Variants in MYO1D observed in about 807,000 individuals in gnomAD.
The protein encoded by MYO1D is unconventional myosin-Id.
MYO1D carries 83 observed loss-of-function variants against 122.0 expected under a neutral mutation model. That is an observed-to-expected ratio of 0.68 (90% CI 0.57 to 0.82). The LOEUF (loss-of-function observed/expected upper bound fraction) is 0.82. Among genes scored for constraint, MYO1D ranks in the 40% least tolerant of loss-of-function variants. MYO1D has a pLI of 0.00. For missense variants in MYO1D, 1,157 were observed against 1,269.5 expected (o/e 0.91, Z 1.35); for synonymous variants, 464 against 446.9 (o/e 1.04, Z -0.48).
At chr17:32,841,959 A>G (rs2090887002) in intron 1 of MYO1D, among the ~76,000 whole-genome samples, 1 of 152,170 alleles carries the variant, frequency 6.6e-6, no homozygotes, top group Non-Finnish European at 1.5e-5. Flanking sequence ...AATAAGAGAG[A>G]GAGAGAGCAG....
Position 32,876,936 on chromosome 17 carries a change from A to T in MYO1D, c.-64T>A. The T allele has an allele frequency of 3.7e-6, 4 of 1,094,276 alleles. No individual in the cohort carries two copies. Among genetic ancestry groups the T allele is most frequent in the Non-Finnish European group, 4.9e-6 (4 of 817,426 alleles). 67.8% of individuals were successfully genotyped at this position (1,094,276 alleles called of 1,614,324 possible). A position where few individuals can be genotyped will look rare whatever the true frequency, so the allele number is the denominator to read the frequency against. On this transcript the variant is annotated 5_prime_UTR_variant, in exon 1 of 22. Coordinates refer to ENST00000318217, the MANE Select transcript of MYO1D (RefSeq NM_015194.3). The stretch of plus-strand genomic sequence containing the variant: ...TCCGGGGCCGCTCCGTGGGCCCGCG[A>T]TGAGCTCGGGAGGGGCCGGGGCGAG...
intron 1 of MYO1D, among the ~76,000 whole-genome samples, chr17:32,869,120 G>A (rs1057271933): frequency 1.3e-5 from 2 of 151,902 alleles, no homozygotes; most frequent in Admixed American, 6.5e-5. Context: ...TAGGGAGGCT[G>A]AGGCATGAGA....
intron 15 of MYO1D, among the ~76,000 whole-genome samples, chr17:32,717,543 G>A (rs2089463515): frequency 6.6e-6 from 1 of 152,118 alleles, no homozygotes; most frequent in Non-Finnish European, 1.5e-5. Context: ...ATTTTTCAGA[G>A]GGTCTATGAG....
chr17:32,648,575 A>G (rs1157890081), intron 19 of MYO1D, among the ~76,000 whole-genome samples: 2 of 152,184 alleles, frequency 1.3e-5, no homozygotes, highest in African/African-American at 4.8e-5. Context: ...CCCACCCCTT[A>G]ACCTTCACGG....
At chr17:32,583,384 G>C (rs2087359063) in intron 21 of MYO1D, among the ~76,000 whole-genome samples, 1 of 152,012 alleles carries the variant, frequency 6.6e-6, no homozygotes, top group Non-Finnish European at 1.5e-5. Context: ...AGGGTTCATT[G>C]AACTTCTTGG....
At chr17:32,836,376 G>C (rs1201505005) in intron 1 of MYO1D, among the ~76,000 whole-genome samples, 1 of 152,164 alleles carries the variant, frequency 6.6e-6, no homozygotes. Flanking sequence ...GGCATAGTTT[G>C]CTGAATTTGG....
At chr17:32,503,711 G>A (rs532752897) in intron 21 of MYO1D, among the ~76,000 whole-genome samples, 9 of 152,212 alleles carry the variant, frequency 5.9e-5, no homozygotes, top group African/African-American at 2.2e-4. Flanking sequence ...CACAGAGACA[G>A]GCCGTCCTCC....
At chr17:32,504,052 C>G (rs981570066) in intron 21 of MYO1D, among the ~76,000 whole-genome samples, 1 of 152,222 alleles carries the variant, frequency 6.6e-6, no homozygotes, top group Admixed American at 6.5e-5. Flanking sequence ...GGGTCTGCAG[C>G]TGGTGAGGAA....
intron 21 of MYO1D, among the ~76,000 whole-genome samples, chr17:32,502,257 C>T (rs753383588): frequency 2.2e-4 from 34 of 152,196 alleles, no homozygotes; most frequent in Non-Finnish European, 4.1e-4. Context: ...CATGTTACAA[C>T]AAGATGAACC....
intron 21 of MYO1D, among the ~76,000 whole-genome samples, chr17:32,557,331 G>A (rs756151951): frequency 1.1e-4 from 16 of 151,144 alleles, no homozygotes; most frequent in Non-Finnish European, 2.1e-4. Context: ...TGTTGGCCTC[G>A]AACTCCTGAC....
At chr17:32,858,519 G>C (rs2091045242) in intron 1 of MYO1D, among the ~76,000 whole-genome samples, 1 of 152,166 alleles carries the variant, frequency 6.6e-6, no homozygotes, top group Admixed American at 6.5e-5. Context: ...ATCTGAGCTT[G>C]CTAGGTGTTT....
chr17:32,561,996 C>CT (rs59585143), intron 21 of MYO1D, among the ~76,000 whole-genome samples: 98,372 of 148,162 alleles, frequency 0.66, 34,054 homozygotes, highest in African/African-American at 0.89. Context: ...TCTTCTCTCT[C>CT]TTTTTTTTTT....
rs181322138 is a variant in MYO1D at position 32,765,731 on chromosome 17, T to C, written c.832-650A>G. Among the ~76,000 whole-genome samples the C allele has an allele frequency of 2.0e-5, 3 of 152,328 alleles. No individual in the cohort carries two copies. The East Asian group carries it at 5.8e-4, about 29-fold the overall frequency. ...CCTCGGCCTCCCAAAGTGCTGGGAT[T>C]ACAGGCGTGAGCCACCGCGCCTGGC... On this transcript the variant is annotated intron_variant, in intron 7 of 21. Transcript: ENST00000318217.
At chr17:32,819,385 A>G (rs72815091) in intron 1 of MYO1D, among the ~76,000 whole-genome samples, 11,678 of 152,148 alleles carry the variant, frequency 0.077, 579 homozygotes, top group East Asian at 0.2. Context: ...CTGCCTTTTC[A>G]TTCAGTCCAT....
At chr17:32,818,656 T>C (rs2090634561) in intron 1 of MYO1D, among the ~76,000 whole-genome samples, 1 of 152,218 alleles carries the variant, frequency 6.6e-6, no homozygotes, top group South Asian at 2.1e-4. Context: ...CAGAAAACCC[T>C]GAGATCAAAT....
At chr17:32,671,844 CA>C (rs1437434076) in intron 16 of MYO1D, among the ~76,000 whole-genome samples, 1 of 152,062 alleles carries the variant, frequency 6.6e-6, no homozygotes. Context: ...GAGCCTGAGG[CA>C]AAAGGAAAAA....
At chr17:32,503,218 C>G (rs977703975) in intron 21 of MYO1D, among the ~76,000 whole-genome samples, 1 of 152,216 alleles carries the variant, frequency 6.6e-6, no homozygotes, top group African/African-American at 2.4e-5. Context: ...GAAGGTGAAT[C>G]AGCCCAGAAA....
chr17:32,664,382 G>A (rs1042322364), intron 16 of MYO1D, among the ~76,000 whole-genome samples: 6 of 152,096 alleles, frequency 3.9e-5, no homozygotes, highest in African/African-American at 1.2e-4. Flanking sequence ...CAAAGCTTAC[G>A]TTTGTAAAGG....
chr17:32,523,750 C>T (rs1474547689), intron 21 of MYO1D, among the ~76,000 whole-genome samples: 1 of 147,716 alleles, frequency 6.8e-6, no homozygotes, highest in Non-Finnish European at 1.5e-5. Context: ...GTGATTGTAC[C>T]ACTGCACTCC....
Sources: gnomAD v4.1 joint callset for allele counts (sites outside exome capture counted in the v4.1 genomes callset) on GRCh38, gnomAD v4.1.1 for gene constraint, MANE v1.5 for transcripts, NCBI Gene and HGNC (gene_info 2026-07-23, HGNC 2026-07-21) for gene names.